Variants in SPAG16 observed in about 807,000 individuals in gnomAD.
SPAG16 encodes sperm associated antigen 16, also known as sperm-associated antigen 16 protein.
Under a neutral mutation model 80.4 loss-of-function variants are expected in SPAG16, and 86 were observed. That is an observed-to-expected ratio of 1.07 (90% confidence interval 0.90 to 1.28). The LOEUF (loss-of-function observed/expected upper bound fraction) is 1.28. SPAG16 is among the 50% of genes most tolerant of loss of function. SPAG16 has a pLI of 0.00. For synonymous variants in SPAG16, 294 were observed against 265.9 expected (o/e 1.11, Z -1.03); for missense variants, 870 against 765.3 (o/e 1.14, Z -1.61).
intron 9 of SPAG16, among the ~76,000 whole-genome samples, chr2:213,488,740 CA>C (rs1408251922): frequency 6.6e-6 from 1 of 151,934 alleles, no homozygotes; most frequent in Non-Finnish European, 1.5e-5. Context: ...TTATGAAATG[CA>C]GAAAATTTCT....
chr2:214,012,534 G>C (rs1004267278), intron 12 of SPAG16, among the ~76,000 whole-genome samples: 3 of 151,286 alleles, frequency 2.0e-5, no homozygotes, highest in Non-Finnish European at 2.9e-5. Flanking sequence ...GACTTCAGGT[G>C]GTCTCCTGCC....
At chr2:214,062,667 C>CTTTTTTTTTTTTTTTTTTTTTTT (rs36069141) in intron 13 of SPAG16, among the ~76,000 whole-genome samples, 1 of 122,784 alleles carries the variant, frequency 8.1e-6, no homozygotes, top group African/African-American at 3.1e-5. Flanking sequence ...ATAGCCTCCT[C>CTTTTTTTTTTTTTTTTTTTTTTT]TTTTTTTTTT....
intron 7 of SPAG16, among the ~76,000 whole-genome samples, chr2:213,355,163 CA>C (rs2065565473): frequency 6.6e-6 from 1 of 152,042 alleles, no homozygotes. Context: ...TGTCAAAGAT[CA>C]GATGGTTGTA....
chr2:214,030,640 A>C (rs1300791041), intron 13 of SPAG16, among the ~76,000 whole-genome samples: 1 of 152,348 alleles, frequency 6.6e-6, no homozygotes. Context: ...TAAGTCTATG[A>C]GTCTTTACTT....
At chr2:213,387,429 CTCTTTTTTTTTTT>C (rs1251020513) in intron 9 of SPAG16, among the ~76,000 whole-genome samples, 3 of 71,760 alleles carry the variant, frequency 4.2e-5, no homozygotes, top group Non-Finnish European at 7.2e-5. Flanking sequence ...GAAATGCATG[CTCTTTTTTTTTTT>C]TTTTTTTTTT....
At chr2:213,940,735 A>T (rs1420756418) in intron 12 of SPAG16, among the ~76,000 whole-genome samples, 3 of 152,192 alleles carry the variant, frequency 2.0e-5, no homozygotes, top group East Asian at 3.8e-4. Context: ...GCACCCCAAT[A>T]ATACTACCTA....
intron 15 of SPAG16, among the ~76,000 whole-genome samples, chr2:214,393,839 A>G (rs1432322631): frequency 4.6e-5 from 7 of 152,210 alleles, no homozygotes; most frequent in Non-Finnish European, 4.4e-5. Flanking sequence ...TGAAGGGTGA[A>G]TATTGTGCTA....
chr2:213,969,088 A>T (rs936248462), intron 12 of SPAG16, among the ~76,000 whole-genome samples: 13 of 152,232 alleles, frequency 8.5e-5, no homozygotes, highest in African/African-American at 3.1e-4. Flanking sequence ...GGGAGCAAGA[A>T]CTACAACAGT....
chr2:213,834,164 G>A (rs2073954850), intron 10 of SPAG16, among the ~76,000 whole-genome samples: 2 of 152,034 alleles, frequency 1.3e-5, no homozygotes. Flanking sequence ...TGACTCTGAG[G>A]CCTCCCCAGC....
At chr2:213,908,891 T>G (rs2077539800) in intron 11 of SPAG16, among the ~76,000 whole-genome samples, 1 of 151,962 alleles carries the variant, frequency 6.6e-6, no homozygotes, top group South Asian at 2.1e-4. Flanking sequence ...TCATTTAGCA[T>G]TAGGTATATC....
intron 6 of SPAG16, among the ~76,000 whole-genome samples, chr2:213,349,150 G>A (rs56183094): frequency 0.014 from 2,170 of 152,200 alleles, 46 homozygotes; most frequent in African/African-American, 0.048. Flanking sequence ...AATATTTTGC[G>A]CTGAATGATT....
chr2:214,052,900 G>T (rs2049733820), intron 13 of SPAG16, among the ~76,000 whole-genome samples: 1 of 152,182 alleles, frequency 6.6e-6, no homozygotes, highest in South Asian at 2.1e-4. Context: ...TGGTTGAGGT[G>T]CGTTAGAGGA....
intron 9 of SPAG16, among the ~76,000 whole-genome samples, chr2:213,408,220 C>T (rs2068773615): frequency 6.6e-6 from 1 of 152,210 alleles, no homozygotes; most frequent in East Asian, 1.9e-4. Context: ...CCCTGCAACA[C>T]TCCAATACCA....
intron 10 of SPAG16, among the ~76,000 whole-genome samples, chr2:213,709,702 A>T (rs916110785): frequency 6.6e-6 from 1 of 152,102 alleles, no homozygotes; most frequent in African/African-American, 2.4e-5. Flanking sequence ...AAAAACATGG[A>T]GAATATAGTT....
At chr2:213,621,174 G>C (rs1022110993) in intron 10 of SPAG16, among the ~76,000 whole-genome samples, 1 of 152,024 alleles carries the variant, frequency 6.6e-6, no homozygotes, top group African/African-American at 2.4e-5. Flanking sequence ...AAAGAACTTA[G>C]ATTTTATTAT....
intron 10 of SPAG16, among the ~76,000 whole-genome samples, chr2:213,540,968 T>C (rs1399931583): frequency 1.3e-5 from 2 of 152,242 alleles, no homozygotes; most frequent in African/African-American, 4.8e-5. Context: ...TGCATGTGTG[T>C]GTGCGTGTGC....
rs6730907 is a variant in SPAG16 at position 213,620,876 on chromosome 2, T to G, written c.1070+130786T>G. The stretch of plus-strand genomic sequence containing the variant: ...GAGTCTGCAGATAAATTTAAGTGCT[T>G]AAGAAATTGAAACACATCAGAGTTT... On this transcript the variant is annotated intron_variant, in intron 10 of 15. Coordinates refer to ENST00000331683, the MANE Select transcript of SPAG16 (RefSeq NM_024532.5). 4.3e-3 allele frequency among the ~76,000 whole-genome samples: 659 copies of G among 152,298 alleles called. 7 individuals carry two copies. The highest frequency in any genetic ancestry group is 0.015 in the African/African-American group (621 of 41,568).
chr2:213,528,271 C>A (rs898034421), intron 10 of SPAG16, among the ~76,000 whole-genome samples: 1 of 151,806 alleles, frequency 6.6e-6, no homozygotes, highest in Non-Finnish European at 1.5e-5. Flanking sequence ...TTCTAAGATA[C>A]TATTATAATA....
At chr2:213,922,100 A>G (rs1342814992) in intron 11 of SPAG16, among the ~76,000 whole-genome samples, 1 of 152,212 alleles carries the variant, frequency 6.6e-6, no homozygotes, top group African/African-American at 2.4e-5. Context: ...TTCATGTACA[A>G]TATCCTGATA....
Sources: allele counts gnomAD v4.1 joint callset (sites outside exome capture counted in the v4.1 genomes callset), GRCh38; gene constraint gnomAD v4.1.1; transcripts MANE v1.5; gene names NCBI Gene and HGNC (gene_info 2026-07-23, HGNC 2026-07-21).